AGAP3: variants seen among roughly 807,000 people sequenced by gnomAD.
The protein encoded by AGAP3 is ArfGAP with GTPase domain, ankyrin repeat and PH domain 3.
Under a neutral mutation model 96.9 loss-of-function variants are expected in AGAP3, and 24 were observed. The observed-to-expected ratio is 0.25, with a 90% CI of 0.18 to 0.35. The LOEUF (loss-of-function observed/expected upper bound fraction) is 0.35. Ranked by LOEUF, AGAP3 falls within the 10% of genes least tolerant of loss-of-function variation. The pLI is 1.00. For missense variants in AGAP3, 876 were observed against 1,254.2 expected (o/e 0.70, Z 4.55); for synonymous variants, 563 against 536.1 (o/e 1.05, Z -0.69).
At chr7:151,095,964 A>AT (rs1798589961) in intron 1 of AGAP3, among the ~76,000 whole-genome samples, 1 of 152,104 alleles carries the variant, frequency 6.6e-6, no homozygotes, top group Non-Finnish European at 1.5e-5. Context: ...GGCTGCCTAG[A>AT]TTTGAGTCCC....
intron 1 of AGAP3, among the ~76,000 whole-genome samples, chr7:151,088,853 C>T (rs952109057): frequency 1.8e-4 from 28 of 152,126 alleles, no homozygotes; most frequent in East Asian, 1.5e-3. Context: ...GCAGAATTTC[C>T]CCTCCTAGAG....
chr7:151,142,537 C>G lies in AGAP3; in HGVS notation c.2176C>G (p.Leu726Val). 6.2e-7 allele frequency: 1 copy of G among 1,613,818 alleles called. No individual in the cohort carries two copies. Residue 726 changes from leucine to valine, a missense_variant, in exon 16 of 18, where the codon CTG becomes GTG. This residue lies in a region of AGAP3 where 213 missense variants were observed against 253.8 expected (regional missense o/e 0.84). Transcript: ENST00000397238. The surrounding 1 kb of genome is among the most constrained non-coding windows in gnomAD (Gnocchi z 7.5). The stretch of plus-strand genomic sequence containing the variant: ...TGACCTCGATGACTGGCCGCCTGAG[C>G]TGCTGGCTGTCATGACTGCCATGGG... ...SLDLDDWPPE[L>V]LAVMTAMGNA...
chr7:151,136,911 A>G (rs1189091902), intron 11 of AGAP3, among the ~76,000 whole-genome samples: 1 of 152,162 alleles, frequency 6.6e-6, no homozygotes, highest in African/African-American at 2.4e-5. Context: ...GGTGGGTGGG[A>G]TTCTGAAGAG....
Position 151,120,068 on chromosome 7 carries a change from C to T in AGAP3, c.1051C>T (p.Arg351Cys), listed in dbSNP as rs199519150. 1.4e-5 allele frequency: 22 copies of T among 1,613,784 alleles called. No homozygotes were observed. Among genetic ancestry groups the T allele is most frequent in the Non-Finnish European group, 1.4e-5 (16 of 1,179,888 alleles). Residue 351 changes from arginine (R) to cysteine (C), a missense_variant, in exon 8 of 18, where the codon CGC becomes TGC. Physicochemically the swap from Arg to Cys is radical, Grantham distance 180 (BLOSUM62 -3). Coordinates refer to ENST00000397238, the MANE Select transcript of AGAP3 (RefSeq NM_031946.7). ...CCCCAGCATCAGCCAGCGGGAGCTG[C>T]GCATCGAGACCATCGCTGCCTCCTC... The part of the protein sequence containing the change: ...STPSISQREL[R>C]IETIAASSTP...
chr7:151,123,093 AGCCCGCCCGGCCCG>A, intron 8 of AGAP3: 1 of 1,168,174 alleles, frequency 8.6e-7, no homozygotes, highest in Non-Finnish European at 1.1e-6. Flanking sequence ...GGGGAGTCCA[AGCCCGCCCGGCCCG>A]GCTGCTCCTG....
chr7:151,104,051 C>T (rs1798939655), intron 1 of AGAP3, among the ~76,000 whole-genome samples: 1 of 152,142 alleles, frequency 6.6e-6, no homozygotes, highest in Non-Finnish European at 1.5e-5. Context: ...TTCATTTCCT[C>T]CCTCTGTAAT....
rs140478862 is a variant in AGAP3, at chr7:151,138,724, C to T, written c.1666+411C>T. Among the ~76,000 whole-genome samples, 47 of 152,300 alleles carry T rather than the reference C, an allele frequency of 3.1e-4. No individual in the cohort carries two copies. The East Asian group carries it at 7.2e-3, about 23-fold the overall frequency. On this transcript the variant is annotated intron_variant, in intron 12 of 17. Coordinates refer to ENST00000397238, the MANE Select transcript of AGAP3 (RefSeq NM_031946.7). Reference sequence around the variant, plus strand: ...GCCTCTCGGCAGGGGGACGGGGAAGCGGCTGAGTAGGGAGGTCGGACGGAG... The same window carrying T: ...GCCTCTCGGCAGGGGGACGGGGAAGTGGCTGAGTAGGGAGGTCGGACGGAG...
At position 151,132,622 on chromosome 7, in the gene AGAP3, G is replaced by A. The variant is rs538866733; in HGVS notation, c.1327-1778G>A. Reference sequence around the variant, plus strand: ...AGGCTCGGCGAGACCCACAGGGCTGGACCTGGGCAGGGAGGCCGCGTGCTG... The same window carrying A: ...AGGCTCGGCGAGACCCACAGGGCTGAACCTGGGCAGGGAGGCCGCGTGCTG... On this transcript the variant is annotated intron_variant, in intron 10 of 17. Transcript: ENST00000397238. 3.3e-5 allele frequency among the ~76,000 whole-genome samples: 5 copies of A among 152,346 alleles called. No individual in the cohort carries two copies. In the East Asian group the frequency reaches 9.6e-4, roughly 29 times the overall value.
At chr7:151,099,291 C>T (rs989837425) in intron 1 of AGAP3, among the ~76,000 whole-genome samples, 3 of 149,160 alleles carry the variant, frequency 2.0e-5, no homozygotes, top group Admixed American at 6.8e-5. Context: ...TGCAGTGAGC[C>T]GAGATCACGC....
At chr7:151,110,458 C>A (rs1448593011) in intron 1 of AGAP3, among the ~76,000 whole-genome samples, 3 of 150,364 alleles carry the variant, frequency 2.0e-5, no homozygotes, top group South Asian at 4.2e-4. Context: ...GGAGGCGGGT[C>A]CTGGGGAGGG....
rs1212392388 is a variant in AGAP3 at position 151,139,423 on chromosome 7, G to C, written c.1667-556G>C. On this transcript the variant is annotated intron_variant, in intron 12 of 17. Coordinates refer to ENST00000397238, the MANE Select transcript of AGAP3 (RefSeq NM_031946.7). The surrounding 1 kb of genome is among the most constrained non-coding windows in gnomAD (Gnocchi z 4.9). ...GGTCACCGGTCCGGTGGCCTGTGCT[G>C]GCCTGCGTGAGGGCCCTCTGTTGAG... 1 of 152,352 alleles carries C rather than the reference G, an allele frequency of 6.6e-6. No individual in the cohort carries two copies. Among genetic ancestry groups the C allele is most frequent in the African/African-American group, 2.4e-5 (1 of 41,444 alleles). 9.4% of individuals were successfully genotyped at this position (152,352 alleles called of 1,614,324 possible). A position where few individuals can be genotyped will look rare whatever the true frequency, so the allele number is the denominator to read the frequency against.
At chr7:151,090,223 G>A (rs1225544281) in intron 1 of AGAP3, 1 of 141,276 alleles carries the variant, frequency 7.1e-6, no homozygotes, top group Non-Finnish European at 1.5e-5. Flanking sequence ...GATCCCTGCT[G>A]GCAGTTCCCA....
At position 151,120,866 on chromosome 7, in the gene AGAP3, C is replaced by T. The variant is rs567944341; in HGVS notation, c.1128+721C>T. The T allele has an allele frequency of 1.1e-5, 13 of 1,144,398 alleles. No individual in the cohort carries two copies. In the Admixed American group the frequency reaches 4.1e-4, roughly 36 times the overall value. 70.9% of individuals were successfully genotyped at this position (1,144,398 alleles called of 1,614,324 possible). The stretch of plus-strand genomic sequence containing the variant: ...TCTGGCTCTCAGGCCCCAGGGCCTG[C>T]TGTCTCTCCACTCCCAATGTGCGAC... On this transcript the variant is annotated intron_variant, in intron 8 of 17. Transcript: ENST00000397238.
chr7:151,086,464 C>T (rs889837748), upstream of AGAP3, among the ~76,000 whole-genome samples: 6 of 147,560 alleles, frequency 4.1e-5, no homozygotes, highest in Admixed American at 4.0e-4. Flanking sequence ...CCGCGCGCTC[C>T]CGGTCCCGTT....
rs1280557230 is a variant in AGAP3, at chr7:151,142,783, T to G, written c.2273+149T>G. 2.4e-6 allele frequency: 2 copies of G among 831,100 alleles called. No homozygotes were observed. Among genetic ancestry groups the G allele is most frequent in the African/African-American group, 3.4e-5 (2 of 58,362 alleles). 51.5% of individuals were successfully genotyped at this position (831,100 alleles called of 1,614,324 possible). ...GCAGTTGGCCCCTTGGGGGTGCCCC[T>G]CCTGCTCTGGTGCCTGTCACTCAGG... On this transcript the variant is annotated intron_variant, in intron 16 of 17. Transcript: ENST00000397238. This position sits in a 1 kb window ranked among gnomAD's most constrained non-coding sequence, Gnocchi z 7.5.
intron 1 of AGAP3, among the ~76,000 whole-genome samples, chr7:151,088,463 G>T (rs1798248141): frequency 6.6e-6 from 1 of 152,240 alleles, no homozygotes; most frequent in South Asian, 2.1e-4. Flanking sequence ...CGAGCCCTGG[G>T]CCCCAAAGAC....
rs1171824315 is a variant in AGAP3 at position 151,143,105 on chromosome 7, C to T, written c.2274-236C>T. 6.6e-6 allele frequency among the ~76,000 whole-genome samples: 1 copy of T among 152,226 alleles called. No individual in the cohort carries two copies. Among genetic ancestry groups the T allele is most frequent in the East Asian group, 1.9e-4 (1 of 5,196 alleles). Reference sequence around the variant, plus strand: ...CATCCCCACTGTCCCCAGGGGGCCTCCCTTCAGTGTCCCTTCCTTTCAGCT... The same window carrying T: ...CATCCCCACTGTCCCCAGGGGGCCTTCCTTCAGTGTCCCTTCCTTTCAGCT... On this transcript the variant is annotated intron_variant, in intron 16 of 17. Coordinates refer to ENST00000397238, the MANE Select transcript of AGAP3 (RefSeq NM_031946.7). The surrounding 1 kb of genome is among the most constrained non-coding windows in gnomAD (Gnocchi z 5.9).
At position 151,087,041 on chromosome 7, in the gene AGAP3, C is replaced by T. The variant is rs1205786171; in HGVS notation, c.300C>T (p.Asn100=). 1.2e-6 allele frequency: 2 copies of T among 1,611,108 alleles called. No individual in the cohort carries two copies. The highest frequency in any genetic ancestry group is 2.2e-5 in the South Asian group (2 of 90,638). The change falls in exon 1 of 18, where the codon AAC becomes AAT. Residue 100 remains asparagine, a synonymous_variant. Transcript: ENST00000397238. ...GCATCGAGGATTTGGCGCTGCAGAA[C>T]CAGATCCGGGAGCACGTCATCTCCA... is the stretch of plus-strand genomic sequence containing the variant. The part of the protein sequence containing the change: ...IERIEDLALQ[N]QIREHVISIE...
rs1167254908 is a variant in AGAP3 at position 151,105,312 on chromosome 7, CAT to C, written c.332-11479_332-11478del. On this transcript the variant is annotated intron_variant, in intron 1 of 17. Coordinates refer to ENST00000397238, the MANE Select transcript of AGAP3 (RefSeq NM_031946.7). The stretch of plus-strand genomic sequence containing the variant: ...GTGATGTACACTTACTGCAGAAAAA[CAT>C]AAAAGAAGCAAAAGAAGTCACCAGT... 2.6e-5 allele frequency among the ~76,000 whole-genome samples: 4 copies of C among 152,098 alleles called. No individual in the cohort carries two copies. The East Asian group carries it at 5.8e-4, about 22-fold the overall frequency.
Sources: gnomAD v4.1 joint callset for allele counts (sites outside exome capture counted in the v4.1 genomes callset) on GRCh38, gnomAD v4.1.1 for gene constraint, gnomAD v4.1.1 regional missense constraint, Gnocchi (gnomAD v3.1) non-coding constraint, MANE v1.5 for transcripts, NCBI Gene and HGNC (gene_info 2026-07-23, HGNC 2026-07-21) for gene names.